TMCC3: variants seen among roughly 807,000 people sequenced by gnomAD.
TMCC3 encodes the protein transmembrane and coiled-coil domain protein 3.
A neutral mutation model predicts 40.2 loss-of-function variants in TMCC3; 28 were observed. That is an observed-to-expected ratio of 0.70 (90% CI 0.52 to 0.95). The LOEUF (loss-of-function observed/expected upper bound fraction) is 0.95, where lower values mean the gene tolerates loss of function less well. Ranked by LOEUF, TMCC3 falls within the 40% of genes least tolerant of loss-of-function variation. The pLI is 0.00. For missense variants in TMCC3, 554 were observed against 615.2 expected (o/e 0.90, Z 1.05); for synonymous variants, 255 against 248.5 (o/e 1.03, Z -0.25).
At chr12:94,607,037 C>T (rs2068787626) in intron 1 of TMCC3, among the ~76,000 whole-genome samples, 1 of 152,110 alleles carries the variant, frequency 6.6e-6, no homozygotes, top group South Asian at 2.1e-4. Flanking sequence ...ACAGACACTC[C>T]CAGAGTGGCC....
intron 1 of TMCC3, among the ~76,000 whole-genome samples, chr12:94,649,811 A>G (rs2069043152): frequency 6.6e-6 from 1 of 152,242 alleles, no homozygotes; most frequent in Non-Finnish European, 1.5e-5. Flanking sequence ...GAAACTCCGG[A>G]GAGGCAGCGC....
chr12:94,624,766 A>G (rs2068894276), intron 1 of TMCC3, among the ~76,000 whole-genome samples: 1 of 152,128 alleles, frequency 6.6e-6, no homozygotes, highest in African/African-American at 2.4e-5. Flanking sequence ...GTACTGATTC[A>G]TGCTACAACA....
chr12:94,588,800 G>A lies in TMCC3; in HGVS notation c.79-6262C>T, dbSNP rs569195333. ...TTTGAATGCAGCCCAACACAAATTC[G>A]TAAACTTTCTTAAATCGGTATGAGA... On this transcript the variant is annotated intron_variant, in intron 1 of 3. Coordinates refer to ENST00000261226, the MANE Select transcript of TMCC3 (RefSeq NM_020698.4). 8.0e-5 allele frequency among the ~76,000 whole-genome samples: 12 copies of A among 150,664 alleles called. No homozygotes were observed. The East Asian group carries it at 1.8e-3, about 22-fold the overall frequency.
chr12:94,592,518 C>T (rs936814041), intron 1 of TMCC3, among the ~76,000 whole-genome samples: 2 of 150,496 alleles, frequency 1.3e-5, no homozygotes, highest in Non-Finnish European at 3.0e-5. Flanking sequence ...GTGGCAGGTG[C>T]CTGTAATCCC....
chr12:94,615,948 G>A, intron 1 of TMCC3: 1 of 985,512 alleles, frequency 1.0e-6, no homozygotes, highest in South Asian at 4.7e-5. Flanking sequence ...AAACCCAGGA[G>A]CAGAGCAGGA....
intron 1 of TMCC3, among the ~76,000 whole-genome samples, chr12:94,595,200 G>A (rs760658633): frequency 1.3e-5 from 2 of 152,104 alleles, no homozygotes; most frequent in Non-Finnish European, 2.9e-5. Context: ...TATTTTCCAT[G>A]TGTCTTATCA....
intron 1 of TMCC3, among the ~76,000 whole-genome samples, chr12:94,596,512 C>G (rs774458877): frequency 6.6e-6 from 1 of 152,220 alleles, no homozygotes; most frequent in Non-Finnish European, 1.5e-5. Context: ...CCCACCCCCA[C>G]GCCCAGCTAG....
chr12:94,580,563 C>T (rs1362023521), intron 2 of TMCC3, among the ~76,000 whole-genome samples: 4 of 152,118 alleles, frequency 2.6e-5, no homozygotes, highest in East Asian at 3.9e-4. Flanking sequence ...GGTGAAACCC[C>T]ATCTCTACTA....
At chr12:94,617,705 T>C (rs2068855137) in intron 1 of TMCC3, among the ~76,000 whole-genome samples, 1 of 152,198 alleles carries the variant, frequency 6.6e-6, no homozygotes, top group African/African-American at 2.4e-5. Flanking sequence ...GCTTTTGACA[T>C]TAAATAACAA....
At chr12:94,616,148 T>C in intron 1 of TMCC3, 1 of 956,088 alleles carries the variant, frequency 1.0e-6, no homozygotes, top group Non-Finnish European at 1.2e-6. Flanking sequence ...CAAATGTCAG[T>C]AATAATGCAC....
intron 1 of TMCC3, among the ~76,000 whole-genome samples, chr12:94,600,040 G>C (rs754246885): frequency 6.6e-6 from 1 of 152,042 alleles, no homozygotes; most frequent in Non-Finnish European, 1.5e-5. Context: ...AAGGAGTGGT[G>C]GTGGGGGAAG....
intron 1 of TMCC3, among the ~76,000 whole-genome samples, chr12:94,618,846 G>T (rs77399260): frequency 0.011 from 1,676 of 152,242 alleles, 23 homozygotes; most frequent in African/African-American, 0.038. Context: ...TCTCTGCCTT[G>T]AATAGACTTG....
intron 1 of TMCC3, 48 bp downstream of exon 1, chr12:94,650,305 G>C: frequency 8.6e-7 from 1 of 1,161,774 alleles, no homozygotes; most frequent in Non-Finnish European, 1.1e-6. Context: ...AGCCCGCCTC[G>C]CCCCCGGGCC....
chr12:94,578,649 T>C, intron 2 of TMCC3, 120 bp from the exon 3 acceptor site: 4 of 1,120,488 alleles, frequency 3.6e-6, no homozygotes, highest in Non-Finnish European at 5.0e-6. Context: ...ATGGGCTGTT[T>C]TTCTAAAAGA....
chr12:94,648,063 C>T (rs186410925), intron 1 of TMCC3, among the ~76,000 whole-genome samples: 1 of 152,230 alleles, frequency 6.6e-6, no homozygotes, highest in East Asian at 1.9e-4. Context: ...CTCTGATTTC[C>T]TCTCTTCACT....
At chr12:94,643,897 G>A (rs1358996169) in intron 1 of TMCC3, among the ~76,000 whole-genome samples, 1 of 152,208 alleles carries the variant, frequency 6.6e-6, no homozygotes, top group African/African-American at 2.4e-5. Context: ...ATAGCCACAA[G>A]ATCTTAGAGA....
At chr12:94,649,180 A>G (rs574149408) in intron 1 of TMCC3, among the ~76,000 whole-genome samples, 1 of 152,350 alleles carries the variant, frequency 6.6e-6, no homozygotes, top group African/African-American at 2.4e-5. Context: ...AACAGATGCT[A>G]AAGGAAAAAG....
At chr12:94,578,786 T>C (rs767661935) in intron 2 of TMCC3, among the ~76,000 whole-genome samples, 1 of 152,136 alleles carries the variant, frequency 6.6e-6, no homozygotes, top group Non-Finnish European at 1.5e-5. Context: ...ACTAGCACCT[T>C]AGCTAGCTGC....
chr12:94,582,222 T>G lies in TMCC3; in HGVS notation c.395A>C (p.Lys132Thr). The G allele has an allele frequency of 6.2e-7, 1 of 1,614,118 alleles. No individual in the cohort carries two copies. The highest frequency in any genetic ancestry group is 8.5e-7 in the Non-Finnish European group (1 of 1,179,958). Reference protein sequence around the residue: ...SAHSIAQLQKKLEQYHRKLRE... With the variant: ...SAHSIAQLQKTLEQYHRKLRE... Reference sequence around the variant, plus strand: ...GAGCTTTCGATGATACTGCTCTAACTTCTTCTGCAGCTGGGCGATGGAGTG... The same window carrying G: ...GAGCTTTCGATGATACTGCTCTAACGTCTTCTGCAGCTGGGCGATGGAGTG... Residue 132 changes from lysine to threonine, a missense_variant, in exon 2 of 4, where the codon AAG becomes ACG. Lys to Thr is a moderately conservative substitution (Grantham distance 78, BLOSUM62 -1). Transcript: ENST00000261226.
Sources: gnomAD v4.1 joint callset for allele counts (sites outside exome capture counted in the v4.1 genomes callset) on GRCh38, gnomAD v4.1.1 for gene constraint, MANE v1.5 for transcripts, NCBI Gene and HGNC (gene_info 2026-07-23, HGNC 2026-07-21) for gene names.